The following MINDY2 variants were observed in gnomAD, a reference collection of about 807,000 sequenced individuals.
MINDY2 encodes the protein ubiquitin carboxyl-terminal hydrolase MINDY-2.
In MINDY2, 52 loss-of-function variants were observed where a neutral mutation model predicts 68.2. The ratio of observed to expected loss-of-function variants is 0.76; its 90% confidence interval spans 0.61 to 0.96. The LOEUF is 0.96. Among genes scored for constraint, MINDY2 ranks in the 40% least tolerant of loss-of-function variants. MINDY2 has a pLI of 0.00. For missense variants in MINDY2, 881 were observed against 773.4 expected, an observed-to-expected ratio of 1.14 and a Z score of -1.65; for synonymous variants, 372 against 303.0, an observed-to-expected ratio of 1.23 and a Z score of -2.36.
Position 58,771,646 on chromosome 15 carries a change from G to A in MINDY2, c.251G>A (p.Gly84Asp). ...CCCGGACCCTGCAGCTCCTCCGCGG[G>A]TTTGGACTTGAAGGACAGTGGTTTG... ...EVPGPCSSSA[G>D]LDLKDSGLES... The change falls in exon 1 of 9, where the codon GGT becomes GAT. Residue 84 changes from glycine (G) to aspartate (D), a missense_variant. Transcript: ENST00000559228. The A allele has an allele frequency of 6.2e-7, 1 of 1,612,554 alleles. No individual in the cohort carries two copies. Among genetic ancestry groups the A allele is most frequent in the South Asian group, 1.1e-5 (1 of 91,078 alleles).
intron 2 of MINDY2, among the ~76,000 whole-genome samples, chr15:58,790,236 A>G (rs1416675178): frequency 6.6e-6 from 1 of 152,084 alleles, no homozygotes; most frequent in Non-Finnish European, 1.5e-5. Flanking sequence ...GATTCTTTTT[A>G]TTTTTATTAT....
intron 5 of MINDY2, among the ~76,000 whole-genome samples, chr15:58,830,415 C>G (rs2031648057): frequency 6.6e-6 from 1 of 152,114 alleles, no homozygotes; most frequent in Non-Finnish European, 1.5e-5. Context: ...GCTCCAAAAT[C>G]TAAACACCAA....
chr15:58,823,198 CGCGATCTCA>C (rs1363559888), intron 5 of MINDY2, among the ~76,000 whole-genome samples: 1 of 146,086 alleles, frequency 6.8e-6, no homozygotes, highest in Non-Finnish European at 1.5e-5. Flanking sequence ...AGTGCAATGG[CGCGATCTCA>C]GCTCACTGCA....
intron 1 of MINDY2, among the ~76,000 whole-genome samples, chr15:58,787,539 C>A (rs1901588987): frequency 6.6e-6 from 1 of 151,770 alleles, no homozygotes; most frequent in Admixed American, 6.6e-5. Flanking sequence ...AGATTGAGAC[C>A]ATCCTGGCTA....
chr15:58,847,819 C>T (rs1172766010), intron 7 of MINDY2, among the ~76,000 whole-genome samples: 1 of 152,126 alleles, frequency 6.6e-6, no homozygotes, highest in Non-Finnish European at 1.5e-5. Context: ...CAGGTCTAAG[C>T]AGAGACAAAT....
At chr15:58,839,792 TTATC>T (rs1567071523) in intron 6 of MINDY2, among the ~76,000 whole-genome samples, 2 of 152,088 alleles carry the variant, frequency 1.3e-5, no homozygotes, top group Non-Finnish European at 2.9e-5. Context: ...GATTTCATCT[TTATC>T]TATTTATTTA....
intron 2 of MINDY2, among the ~76,000 whole-genome samples, chr15:58,797,826 T>G (rs1902384078): frequency 6.6e-6 from 1 of 152,084 alleles, no homozygotes; most frequent in Non-Finnish European, 1.5e-5. Context: ...GAGATACAGT[T>G]GTGGTGGCAG....
rs117805146 is a variant in MINDY2, at chr15:58,813,162, G to T, written c.1122+2774G>T. 2.4e-3 allele frequency among the ~76,000 whole-genome samples: 363 copies of T among 152,248 alleles called. 1 individual carries two copies. Among genetic ancestry groups the T allele is most frequent in the Non-Finnish European group, 4.1e-3 (278 of 68,030 alleles). On this transcript the variant is annotated intron_variant, in intron 4 of 8. Transcript: ENST00000559228. ...TGTTCATTACTGAGTAGTATTTTGT[G>T]GTGTGGACCTACCGCAGTTTTACTT...
chr15:58,842,508 T>C (rs559982417), intron 6 of MINDY2, among the ~76,000 whole-genome samples: 21 of 152,320 alleles, frequency 1.4e-4, no homozygotes, highest in African/African-American at 5.1e-4. Flanking sequence ...TAGCTATTTT[T>C]AAAGCTGGTT....
chr15:58,788,084 G>C, intron 2 of MINDY2, 121 bp downstream of exon 2: 1 of 610,172 alleles, frequency 1.6e-6, no homozygotes, highest in East Asian at 3.2e-5. Flanking sequence ...TTATAGTTTT[G>C]AATCTGCTAA....
intron 5 of MINDY2, among the ~76,000 whole-genome samples, chr15:58,826,807 T>C (rs531082267): frequency 6.6e-6 from 1 of 152,158 alleles, no homozygotes; most frequent in Non-Finnish European, 1.5e-5. Flanking sequence ...TTGTCACATC[T>C]CTTTAGTCTT....
intron 1 of MINDY2, among the ~76,000 whole-genome samples, chr15:58,778,793 A>AT (rs1287644434): frequency 1.4e-5 from 2 of 138,248 alleles, no homozygotes; most frequent in Non-Finnish European, 1.5e-5. Context: ...TGCCCACCTA[A>AT]TTTTTTTTCT....
chr15:58,805,013 C>G (rs765619395), intron 3 of MINDY2, among the ~76,000 whole-genome samples: 5 of 152,038 alleles, frequency 3.3e-5, no homozygotes, highest in Admixed American at 6.6e-5. Context: ...ATGTTATCAG[C>G]ATTTGGTTTA....
rs528700067 is a variant in MINDY2, at chr15:58,802,345, A to G, written c.931A>G (p.Ile311Val). 1 of 1,589,240 alleles carries G rather than the reference A, an allele frequency of 6.3e-7. No individual in the cohort carries two copies. Among genetic ancestry groups the G allele is most frequent in the Admixed American group, 1.8e-5 (1 of 55,282 alleles). Residue 311 changes from isoleucine (I) to valine (V), a missense_variant, in exon 3 of 9, where the codon ATT becomes GTT. By Grantham distance (29) the Ile-to-Val change is conservative (BLOSUM62 3). Coordinates refer to ENST00000559228, the MANE Select transcript of MINDY2 (RefSeq NM_001040450.3). ...DYMLDAKPKE[I>V]SEIQRLNYEQ... ...CATGCTTGATGCAAAGCCAAAAGAAATTTCAGAAATTCAACGTTTAAATTA... is the reference window on the plus strand; with the variant it reads ...CATGCTTGATGCAAAGCCAAAAGAAGTTTCAGAAATTCAACGTTTAAATTA...
chr15:58,778,636 C>G (rs1431607288), intron 1 of MINDY2, among the ~76,000 whole-genome samples: 1 of 149,662 alleles, frequency 6.7e-6, no homozygotes, highest in Non-Finnish European at 1.5e-5. Flanking sequence ...TCCTTTTTTT[C>G]TTTTTTTTGA....
intron 6 of MINDY2, among the ~76,000 whole-genome samples, chr15:58,842,585 G>A (rs1229396725): frequency 6.6e-6 from 1 of 152,046 alleles, no homozygotes; most frequent in East Asian, 1.9e-4. Context: ...ACTGGAATAA[G>A]GAAAGTGATG....
chr15:58,831,996 A>G, intron 6 of MINDY2, 80 bp downstream of exon 6: 1 of 1,258,894 alleles, frequency 7.9e-7, no homozygotes, highest in Non-Finnish European at 1.1e-6. Flanking sequence ...ATCTGCTTAT[A>G]AATAAAAGAT....
Position 58,859,511 on chromosome 15 carries a change from G to C in MINDY2, c.*4901G>C, listed in dbSNP as rs1367955023. On this transcript the variant is annotated 3_prime_UTR_variant, in exon 9 of 9. Transcript: ENST00000559228. ...GAATCTTAGCGTTCTTAAGTTCTCT[G>C]ATAATTTAGTATATTTTATTAATGA... is the stretch of plus-strand genomic sequence containing the variant. 6.6e-6 allele frequency: 1 copy of C among 152,154 alleles called. No individual in the cohort carries two copies. The highest frequency in any genetic ancestry group is 1.5e-5 in the Non-Finnish European group (1 of 68,020). 9.4% of individuals were successfully genotyped at this position (152,154 alleles called of 1,614,324 possible).
chr15:58,776,826 A>G (rs1299313520), intron 1 of MINDY2, among the ~76,000 whole-genome samples: 2 of 152,138 alleles, frequency 1.3e-5, no homozygotes, highest in African/African-American at 4.8e-5. Flanking sequence ...GTTTGAGACC[A>G]GCTGGGGCAA....
Sources: gnomAD v4.1 joint callset for allele counts (sites outside exome capture counted in the v4.1 genomes callset) on GRCh38, gnomAD v4.1.1 for gene constraint, MANE v1.5 for transcripts, NCBI Gene and HGNC (gene_info 2026-07-23, HGNC 2026-07-21) for gene names.